RGS6: variants seen among roughly 807,000 people sequenced by gnomAD.
The protein encoded by RGS6 is regulator of G protein signaling 6.
A neutral mutation model predicts 78.5 loss-of-function variants in RGS6; 30 were observed. The observed-to-expected ratio is 0.38, with a 90% confidence interval of 0.29 to 0.52. The LOEUF (loss-of-function observed/expected upper bound fraction) is 0.52. RGS6 is among the 20% of genes least tolerant of loss of function. The pLI, the probability that RGS6 is intolerant of heterozygous loss-of-function variation, is 0.85. For synonymous variants in RGS6, 206 were observed against 206.0 expected, an observed-to-expected ratio of 1.00 and a Z score of 0.00; for missense variants, 495 against 609.7, an observed-to-expected ratio of 0.81 and a Z score of 1.98.
the RGS6 span, among the ~76,000 whole-genome samples, chr14:72,611,528 G>A: frequency 7.4e-5 from 11 of 148,898 alleles, no homozygotes; most frequent in Non-Finnish European, 1.3e-4. Flanking sequence ...CCCCAGTCCC[G>A]CTCTCTGCTT....
At position 72,446,815 on chromosome 14, in the gene RGS6, A is replaced by G. The variant is rs565975709; in HGVS notation, c.185-7713A>G. Among the ~76,000 whole-genome samples, 104 of 152,292 alleles carry G rather than the reference A, an allele frequency of 6.8e-4. No homozygotes were observed. In the South Asian group the frequency reaches 0.013, roughly 19 times the overall value. ...ATAAGGAGCGTGCAACCTACCTGGC[A>G]TGCACAGTTCACAATAGGGTTCATG... On this transcript the variant is annotated intron_variant, in intron 3 of 17. Transcript: ENST00000553525.
chr14:72,315,212 C>T (rs1173157820), intron 2 of RGS6, among the ~76,000 whole-genome samples: 1 of 152,204 alleles, frequency 6.6e-6, no homozygotes, highest in Non-Finnish European at 1.5e-5. Context: ...TTACCACATG[C>T]AGTTACCATG....
At chr14:72,209,618 T>G (rs544967456) in intron 2 of RGS6, among the ~76,000 whole-genome samples, 10 of 152,268 alleles carry the variant, frequency 6.6e-5, no homozygotes, top group African/African-American at 2.4e-4. Context: ...GCTGCCAGCT[T>G]ATTGTCCCAT....
upstream of RGS6, among the ~76,000 whole-genome samples, chr14:71,929,939 T>G (rs2087777135): frequency 6.6e-6 from 1 of 152,218 alleles, no homozygotes; most frequent in Non-Finnish European, 1.5e-5. Context: ...CATGTCTCCA[T>G]AATTCTTTAA....
At chr14:72,321,801 ATAAG>A (rs1378010373) in intron 2 of RGS6, among the ~76,000 whole-genome samples, 22 of 151,972 alleles carry the variant, frequency 1.4e-4, no homozygotes, top group African/African-American at 5.1e-4. Context: ...CCTAAATAAC[ATAAG>A]TAAGTAGTAA....
the RGS6 span, among the ~76,000 whole-genome samples, chr14:72,605,510 G>A: frequency 1.3e-5 from 2 of 152,206 alleles, no homozygotes; most frequent in African/African-American, 4.8e-5. Context: ...ACCCACCTTG[G>A]GGACACACTG....
At chr14:72,433,830 G>T (rs1193632932) in intron 3 of RGS6, among the ~76,000 whole-genome samples, 4 of 152,162 alleles carry the variant, frequency 2.6e-5, no homozygotes, top group Non-Finnish European at 5.9e-5. Context: ...AATCTGAAAA[G>T]GGGGGGATGA....
chr14:72,594,827 G>A, the RGS6 span: 1 of 152,142 alleles, frequency 6.6e-6, no homozygotes, highest in African/African-American at 2.4e-5. Flanking sequence ...TTTCTCGGGT[G>A]AGGGATGCCT....
chr14:72,120,917 C>T (rs1260345001), intron 2 of RGS6, among the ~76,000 whole-genome samples: 2 of 152,114 alleles, frequency 1.3e-5, no homozygotes, highest in African/African-American at 4.8e-5. Flanking sequence ...ACGTGGAACA[C>T]CTAAGGTGTG....
chr14:72,539,018 CCG>C (rs1048356818), intron 16 of RGS6, among the ~76,000 whole-genome samples: 1 of 152,190 alleles, frequency 6.6e-6, no homozygotes, highest in African/African-American at 2.4e-5. Context: ...TGTGCACTCT[CCG>C]AACTTCTCAG....
chr14:72,444,865 T>C (rs552141860), intron 3 of RGS6, among the ~76,000 whole-genome samples: 1 of 152,260 alleles, frequency 6.6e-6, no homozygotes, highest in African/African-American at 2.4e-5. Context: ...ATGTAATGCC[T>C]CCCACCTGTT....
intron 2 of RGS6, among the ~76,000 whole-genome samples, chr14:72,264,218 G>A (rs761216544): frequency 1.3e-5 from 2 of 152,212 alleles, no homozygotes; most frequent in Non-Finnish European, 2.9e-5. Context: ...TTTCTTGTAT[G>A]CATTAAGTGC....
chr14:71,934,249 C>G (rs182837864), intron 1 of RGS6, among the ~76,000 whole-genome samples: 2 of 152,268 alleles, frequency 1.3e-5, no homozygotes, highest in East Asian at 3.9e-4. Flanking sequence ...TTGTACCACT[C>G]TTAAGCTAAA....
chr14:72,150,931 C>T (rs549997843), intron 2 of RGS6, among the ~76,000 whole-genome samples: 3 of 152,132 alleles, frequency 2.0e-5, no homozygotes, highest in Non-Finnish European at 4.4e-5. Context: ...AACATTTGAT[C>T]TGTTGATAAT....
intron 2 of RGS6, among the ~76,000 whole-genome samples, chr14:72,186,600 G>A (rs577411424): frequency 7.2e-5 from 11 of 152,174 alleles, no homozygotes; most frequent in African/African-American, 2.2e-4. Context: ...GATGACTGAC[G>A]CCTTTTACTG....
At chr14:72,056,434 C>T (rs559811987) in intron 2 of RGS6, among the ~76,000 whole-genome samples, 3 of 152,194 alleles carry the variant, frequency 2.0e-5, no homozygotes, top group African/African-American at 7.2e-5. Flanking sequence ...AAATCCACCT[C>T]GTACCTGTGA....
the RGS6 span, among the ~76,000 whole-genome samples, chr14:71,884,327 A>G: frequency 6.6e-6 from 1 of 152,336 alleles, no homozygotes; most frequent in South Asian, 2.1e-4. Flanking sequence ...GAGAAATACA[A>G]ATCCTTACAC....
intron 2 of RGS6, among the ~76,000 whole-genome samples, chr14:72,228,730 A>G (rs1048378174): frequency 5.3e-5 from 8 of 152,172 alleles, no homozygotes; most frequent in African/African-American, 1.9e-4. Context: ...GGGAGACTAG[A>G]AAGACAAGAA....
intron 12 of RGS6, among the ~76,000 whole-genome samples, chr14:72,486,360 C>G (rs2096488246): frequency 6.6e-6 from 1 of 152,154 alleles, no homozygotes; most frequent in South Asian, 2.1e-4. Context: ...GTATCTGTTC[C>G]TGGACAAATC....
Sources: allele counts gnomAD v4.1 joint callset (sites outside exome capture counted in the v4.1 genomes callset), GRCh38; gene constraint gnomAD v4.1.1; transcripts MANE v1.5; gene names NCBI Gene and HGNC (gene_info 2026-07-23, HGNC 2026-07-21).